The following DDX50 variants were observed in gnomAD, a reference collection of about 807,000 sequenced individuals.
The protein encoded by DDX50 is ATP-dependent RNA helicase DDX50.
A neutral mutation model predicts 94.8 loss-of-function variants in DDX50; 56 were observed. The ratio of observed to expected loss-of-function variants is 0.59; its 90% CI spans 0.48 to 0.74. The LOEUF is 0.74. Among genes scored for constraint, DDX50 ranks in the 30% least tolerant of loss-of-function variants. The pLI is 0.00. For missense variants in DDX50, 713 were observed against 881.2 expected (o/e 0.81, Z 2.42); for synonymous variants, 264 against 295.4 (o/e 0.89, Z 1.09).
intron 13 of DDX50, 121 bp downstream of exon 13, chr10:68,941,315 TGTTA>T (rs1443995178): frequency 4.7e-6 from 6 of 1,289,166 alleles, no homozygotes; most frequent in South Asian, 1.4e-5. Flanking sequence ...GTTTTTTCTC[TGTTA>T]GTTTGTTTCC....
intron 12 of DDX50, among the ~76,000 whole-genome samples, chr10:68,938,562 G>A (rs532447424): frequency 1.3e-5 from 2 of 152,258 alleles, no homozygotes; most frequent in South Asian, 2.1e-4. Flanking sequence ...AGACTAATTT[G>A]GGCAGCACAT....
At chr10:68,937,414 TG>T (rs1842449958) in intron 12 of DDX50, among the ~76,000 whole-genome samples, 1 of 151,916 alleles carries the variant, frequency 6.6e-6, no homozygotes, top group Non-Finnish European at 1.5e-5. Context: ...AAAAATGACA[TG>T]TAATAATTGT....
intron 7 of DDX50, among the ~76,000 whole-genome samples, chr10:68,915,800 A>G (rs1052273276): frequency 2.0e-5 from 3 of 152,218 alleles, no homozygotes; most frequent in African/African-American, 7.2e-5. Flanking sequence ...CTTTCTATTT[A>G]ATAGATGCAT....
At position 68,914,144 on chromosome 10, in the gene DDX50, C is replaced by G. The variant is rs1309230176; in HGVS notation, c.1029C>G (p.Ser343=). 8.7e-6 allele frequency: 14 copies of G among 1,610,998 alleles called. No individual in the cohort carries two copies. Among genetic ancestry groups the G allele is most frequent in the Non-Finnish European group, 1.2e-5 (14 of 1,179,038 alleles). The change falls in exon 7 of 15, where the codon TCC becomes TCG. Residue 343 remains serine (S), a synonymous_variant. Transcript: ENST00000373585. Reference sequence around the variant, plus strand: ...AAGTTGCAAAAAAATACATGAAATCCAGATATGAACAGGTTGACCTTGTTG... The same window carrying G: ...AAGTTGCAAAAAAATACATGAAATCGAGATATGAACAGGTTGACCTTGTTG... The part of the protein sequence containing the change: ...VYKVAKKYMK[S]RYEQVDLVGK...
At chr10:68,938,988 C>T (rs1162623092) in intron 12 of DDX50, among the ~76,000 whole-genome samples, 4 of 152,074 alleles carry the variant, frequency 2.6e-5, no homozygotes, top group Non-Finnish European at 5.9e-5. Flanking sequence ...TAACTTTTGC[C>T]TTTATCCTCT....
chr10:68,934,791 A>C lies in DDX50; in HGVS notation c.1402-8A>C. Reference sequence around the variant, plus strand: ...TTTTTAAAAAATATTACCTTTTATAATCTTTAGGATGTTGAGTCCTATATC... The same window carrying C: ...TTTTTAAAAAATATTACCTTTTATACTCTTTAGGATGTTGAGTCCTATATC... On this transcript the variant is annotated splice_region_variant and splice_polypyrimidine_tract_variant and intron_variant, in intron 9 of 14. Coordinates refer to ENST00000373585, the MANE Select transcript of DDX50 (RefSeq NM_024045.2). The surrounding 1 kb of genome is among the most constrained non-coding windows in gnomAD (Gnocchi z 4.0). 1 of 1,578,980 alleles carries C rather than the reference A, an allele frequency of 6.3e-7. No individual in the cohort carries two copies. Among genetic ancestry groups the C allele is most frequent in the Non-Finnish European group, 8.6e-7 (1 of 1,168,990 alleles).
At chr10:68,916,619 T>C (rs1841803076) in intron 7 of DDX50, among the ~76,000 whole-genome samples, 1 of 152,178 alleles carries the variant, frequency 6.6e-6, no homozygotes, top group Non-Finnish European at 1.5e-5. Context: ...CTTCAAGTAA[T>C]TGTATGTATT....
Position 68,906,692 on chromosome 10 carries a change from CT to C in DDX50, c.88-17del. 6.3e-7 allele frequency: 1 copy of C among 1,593,956 alleles called. No homozygotes were observed. Among genetic ancestry groups the C allele is most frequent in the African/African-American group, 1.4e-5 (1 of 73,356 alleles). ...AAAACCTCTGACCATCTTGTCATTG[CT>C]TCTTTGTTTGTTCACAGAGTGACAG... On this transcript the variant is annotated intron_variant, in intron 1 of 14. Coordinates refer to ENST00000373585, the MANE Select transcript of DDX50 (RefSeq NM_024045.2).
At chr10:68,905,330 A>T (rs1173861557) in intron 1 of DDX50, among the ~76,000 whole-genome samples, 1 of 151,610 alleles carries the variant, frequency 6.6e-6, no homozygotes, top group African/African-American at 2.4e-5. Context: ...TTTTTTAAAA[A>T]AATTAACTGA....
At chr10:68,904,856 C>T (rs1370675042) in intron 1 of DDX50, among the ~76,000 whole-genome samples, 1 of 152,154 alleles carries the variant, frequency 6.6e-6, no homozygotes, top group African/African-American at 2.4e-5. Flanking sequence ...TGTGTAACTG[C>T]AAAGCATTTT....
At chr10:68,924,860 A>G (rs1416735838) in intron 8 of DDX50, among the ~76,000 whole-genome samples, 2 of 152,112 alleles carry the variant, frequency 1.3e-5, no homozygotes, top group Admixed American at 6.6e-5. Context: ...TATAGGGCCC[A>G]GCTTGCTCCA....
At chr10:68,902,663 TC>T (rs147118221) in intron 1 of DDX50, among the ~76,000 whole-genome samples, 8,728 of 152,258 alleles carry the variant, frequency 0.057, 307 homozygotes, top group Middle Eastern at 0.11. Flanking sequence ...CATTCTACTT[TC>T]GCTCTGTGAA....
chr10:68,936,747 G>A (rs933578416), intron 11 of DDX50, among the ~76,000 whole-genome samples, 189 bp from the exon 12 acceptor site: 1 of 151,336 alleles, frequency 6.6e-6, no homozygotes, highest in Non-Finnish European at 1.5e-5. Context: ...AGGCTGAGGT[G>A]GGAGGATTGC....
Position 68,946,746 on chromosome 10 carries a change from G to T in DDX50, c.*116G>T. The stretch of plus-strand genomic sequence containing the variant: ...GTATGTGTCTGCTATTTGCAAAGAA[G>T]TTGGTCGTATTTTTTTAAAAAGTAT... On this transcript the variant is annotated 3_prime_UTR_variant, in exon 15 of 15. Transcript: ENST00000373585. 7.5e-7 allele frequency: 1 copy of T among 1,333,176 alleles called. No homozygotes were observed. Among genetic ancestry groups the T allele is most frequent in the Non-Finnish European group, 1.0e-6 (1 of 984,538 alleles). 82.6% of individuals were successfully genotyped at this position (1,333,176 alleles called of 1,614,324 possible).
chr10:68,931,230 T>G (rs963247943), intron 8 of DDX50, among the ~76,000 whole-genome samples: 17 of 151,680 alleles, frequency 1.1e-4, no homozygotes, highest in Non-Finnish European at 1.9e-4. Flanking sequence ...TTTTTATCCC[T>G]AGTGCCCAAC....
At position 68,903,474 on chromosome 10, in the gene DDX50, C is replaced by T. The variant is rs149838540; in HGVS notation, c.87+2003C>T. 3.0e-3 allele frequency among the ~76,000 whole-genome samples: 446 copies of T among 151,092 alleles called. 1 individual carries two copies. The highest frequency in any genetic ancestry group is 0.01 in the African/African-American group (429 of 41,170). On this transcript the variant is annotated intron_variant, in intron 1 of 14. Coordinates refer to ENST00000373585, the MANE Select transcript of DDX50 (RefSeq NM_024045.2). ...TGAGGTCAGGAGATCGAGACCATCC[C>T]GGCCAACATGGTGAAACACCATCTC...
At chr10:68,938,731 T>C (rs76681195) in intron 12 of DDX50, among the ~76,000 whole-genome samples, 5,795 of 152,304 alleles carry the variant, frequency 0.038, 349 homozygotes, top group African/African-American at 0.13. Context: ...GAGTGACTTA[T>C]TGGGCTCCAT....
At chr10:68,931,392 AAT>A (rs1554836674) in intron 8 of DDX50, among the ~76,000 whole-genome samples, 7 of 85,760 alleles carry the variant, frequency 8.2e-5, no homozygotes, top group Non-Finnish European at 1.1e-4. Context: ...TAAAAAAAAA[AAT>A]ATATATATAT....
At chr10:68,941,682 C>CA (rs1842557407) in intron 13 of DDX50, among the ~76,000 whole-genome samples, 1 of 151,776 alleles carries the variant, frequency 6.6e-6, no homozygotes, top group African/African-American at 2.4e-5. Flanking sequence ...TCTTGTCGCC[C>CA]AGGCTAGAGT....
Sources: gnomAD v4.1 joint callset for allele counts (sites outside exome capture counted in the v4.1 genomes callset) on GRCh38, gnomAD v4.1.1 for gene constraint, Gnocchi (gnomAD v3.1) non-coding constraint, MANE v1.5 for transcripts, NCBI Gene and HGNC (gene_info 2026-07-23, HGNC 2026-07-21) for gene names.